The following EZH2 variants were observed in gnomAD, a reference collection of about 807,000 sequenced individuals.
EZH2 encodes histone-lysine N-methyltransferase EZH2.
Under a neutral mutation model 98.4 loss-of-function variants are expected in EZH2, and 18 were observed. The observed-to-expected ratio is 0.18, with a 90% confidence interval of 0.13 to 0.27. The LOEUF (loss-of-function observed/expected upper bound fraction) is 0.27. EZH2 is among the 10% of genes least tolerant of loss of function. The pLI is 1.00. For missense variants in EZH2, 470 were observed against 935.1 expected (o/e 0.50, Z 6.49); for synonymous variants, 338 against 312.3 (o/e 1.08, Z -0.87).
Position 148,809,392 on chromosome 7 carries a change from TAAAAAGA to T in EZH2, c.2030-9_2030-3del. ...TGCGGGTTGCATCCACCACAAAATC[TAAAAAGA>T]AAAAAGTAAGCACAGCCCAGTGAAT... On this transcript the variant is annotated splice_polypyrimidine_tract_variant and splice_region_variant and intron_variant, in intron 17 of 19. Transcript: ENST00000320356. 6.3e-7 allele frequency: 1 copy of T among 1,595,904 alleles called. No homozygotes were observed. The highest frequency in any genetic ancestry group is 8.6e-7 in the Non-Finnish European group (1 of 1,165,448).
At chr7:148,869,815 G>A (rs1168595642) in intron 1 of EZH2, among the ~76,000 whole-genome samples, 1 of 141,538 alleles carries the variant, frequency 7.1e-6, no homozygotes, top group Non-Finnish European at 1.5e-5. Flanking sequence ...GAAGAGGAGA[G>A]ATCCACAAAA....
In EZH2 at chr7:148,807,436, T is replaced by G; in HGVS notation, c.*210A>C. 1.8e-6 allele frequency: 1 copy of G among 571,304 alleles called. No homozygotes were observed. Among genetic ancestry groups the G allele is most frequent in the South Asian group, 2.3e-5 (1 of 44,328 alleles). 35.4% of individuals were successfully genotyped at this position (571,304 alleles called of 1,614,324 possible). ...TTGAAAAATGTACCATACTGCATTA[T>G]TGCAAAAATTCACTGGTACAAAACA... On this transcript the variant is annotated 3_prime_UTR_variant, in exon 20 of 20. Transcript: ENST00000320356.
intron 8 of EZH2, among the ~76,000 whole-genome samples, chr7:148,824,039 G>C (rs2129474277): frequency 6.6e-6 from 1 of 152,198 alleles, no homozygotes; most frequent in South Asian, 2.1e-4. Flanking sequence ...AATCGACCAG[G>C]CGTGGTAGCT....
At chr7:148,839,005 T>G (rs1413987531) in intron 3 of EZH2, among the ~76,000 whole-genome samples, 3 of 146,164 alleles carry the variant, frequency 2.1e-5, no homozygotes, top group Non-Finnish European at 3.0e-5. Context: ...TGAGACAAGA[T>G]GACGCCACTG....
intron 4 of EZH2, among the ~76,000 whole-genome samples, chr7:148,832,101 G>C (rs567896494): frequency 6.6e-6 from 1 of 151,986 alleles, no homozygotes; most frequent in Non-Finnish European, 1.5e-5. Flanking sequence ...CATTCCTTTT[G>C]TTTTTTTCAG....
In EZH2 at chr7:148,817,295, C is replaced by G; in HGVS notation, c.1337G>C (p.Arg446Thr). The part of the protein sequence containing the change: ...EWSGAEASMF[R>T]VLIGTYYDNF... ...GTCATAGTAAGTGCCAATGAGGACT[C>G]TAAACATTGAGGCTTCAGCACCACT... The change falls in exon 11 of 20, where the codon AGA (arginine) becomes ACA (threonine). Residue 446 changes from arginine (R) to threonine (T), a missense_variant. Arg to Thr is a moderately conservative substitution (Grantham distance 71). Transcript: ENST00000320356. 1 of 1,613,930 alleles carries G rather than the reference C, an allele frequency of 6.2e-7. No homozygotes were observed. Among genetic ancestry groups the G allele is most frequent in the Non-Finnish European group, 8.5e-7 (1 of 1,179,956 alleles).
rs1473254071 is a variant in EZH2 at position 148,814,001 on chromosome 7, A to G, written c.1809T>C (p.Asn603=). The G allele has an allele frequency of 6.2e-7, 1 of 1,614,104 alleles. No homozygotes were observed. The highest frequency in any genetic ancestry group is 8.5e-7 in the Non-Finnish European group (1 of 1,180,018). ...GAATACTGCAGTTCTTGCAGGACAC[A>G]TTTTTACTGTCCCAATGGTCAGCGG... ...CGAADHWDSK[N]VSCKNCSIQR... The change falls in exon 15 of 20, where the codon AAT becomes AAC. Residue 603 remains asparagine, a synonymous_variant. Transcript: ENST00000320356.
intron 3 of EZH2, among the ~76,000 whole-genome samples, chr7:148,844,456 C>G (rs1813432785): frequency 6.6e-6 from 1 of 152,138 alleles, no homozygotes; most frequent in African/African-American, 2.4e-5. Flanking sequence ...GAAGCAGGAT[C>G]AGCTACCAAC....
At chr7:148,812,156 T>C (rs1363205927) in intron 15 of EZH2, among the ~76,000 whole-genome samples, 1 of 152,170 alleles carries the variant, frequency 6.6e-6, no homozygotes, top group Non-Finnish European at 1.5e-5. Flanking sequence ...TTAATAGTTA[T>C]TCCATTTTCA....
At chr7:148,881,017 C>T (rs896106047) in intron 1 of EZH2, among the ~76,000 whole-genome samples, 1 of 152,136 alleles carries the variant, frequency 6.6e-6, no homozygotes, top group African/African-American at 2.4e-5. Context: ...ATCATCTGAC[C>T]ATGAACCTTT....
intron 15 of EZH2, among the ~76,000 whole-genome samples, chr7:148,812,745 T>G (rs1295353470): frequency 1.3e-5 from 2 of 152,122 alleles, no homozygotes; most frequent in Non-Finnish European, 2.9e-5. Context: ...AGGTATGCCA[T>G]CGGAAACGGA....
At chr7:148,836,767 AG>A in intron 3 of EZH2, 1 of 458,664 alleles carries the variant, frequency 2.2e-6, no homozygotes, top group Non-Finnish European at 4.3e-6. Context: ...ACATTTTCAG[AG>A]AAACACAGCT....
intron 1 of EZH2, among the ~76,000 whole-genome samples, chr7:148,876,710 T>C (rs986927043): frequency 2.0e-4 from 30 of 152,326 alleles, no homozygotes; most frequent in African/African-American, 7.0e-4. Context: ...GAGGTACAGC[T>C]GGATGGCTTA....
rs1000625130 is a variant in EZH2 at position 148,833,520 on chromosome 7, CCTTAT to C, written c.247-775_247-771del. On this transcript the variant is annotated intron_variant, in intron 3 of 19. Transcript: ENST00000320356. ...TAAGAAAACTTGTTCAGTTAATCTT[CCTTAT>C]CTTCCTTTTTTAAAATCTAAGTGTC... Among the ~76,000 whole-genome samples the C allele has an allele frequency of 3.3e-5, 5 of 152,052 alleles. 1 individual carries two copies. Among genetic ancestry groups the C allele is most frequent in the Admixed American group, 2.6e-4 (4 of 15,266 alleles).
At chr7:148,816,161 C>T (rs748253576) in intron 12 of EZH2, among the ~76,000 whole-genome samples, 5 of 152,124 alleles carry the variant, frequency 3.3e-5, no homozygotes, top group African/African-American at 7.2e-5. Flanking sequence ...AGATAGTCCA[C>T]TCATCAATTT....
intron 1 of EZH2, among the ~76,000 whole-genome samples, chr7:148,862,888 C>T (rs550927790): frequency 3.3e-5 from 5 of 151,536 alleles, no homozygotes; most frequent in Non-Finnish European, 7.4e-5. Flanking sequence ...TACAAATGTC[C>T]AACATGGTTT....
intron 3 of EZH2, 53 bp downstream of exon 3, chr7:148,846,417 T>G (rs1376458331): frequency 1.3e-6 from 2 of 1,570,874 alleles, no homozygotes; most frequent in Admixed American, 1.8e-5. Flanking sequence ...AATGTTCCAA[T>G]AGCATAAACC....
chr7:148,883,944 T>A (rs1563087147), intron 1 of EZH2: 2 of 150,596 alleles, frequency 1.3e-5, no homozygotes, highest in African/African-American at 4.9e-5. Context: ...ACTCGCAGGG[T>A]CCCGCGGGCC....
chr7:148,823,278 G>A (rs1806699868), intron 8 of EZH2, among the ~76,000 whole-genome samples: 1 of 152,162 alleles, frequency 6.6e-6, no homozygotes, highest in African/African-American at 2.4e-5. Flanking sequence ...TGCATGAAAT[G>A]GGTACAGATA....
Sources: allele counts gnomAD v4.1 joint callset (sites outside exome capture counted in the v4.1 genomes callset), GRCh38; gene constraint gnomAD v4.1.1; transcripts MANE v1.5; gene names NCBI Gene and HGNC (gene_info 2026-07-23, HGNC 2026-07-21).